Variants in PCDH11Y observed in about 807,000 individuals in gnomAD.
The protein encoded by PCDH11Y is protocadherin-11 Y-linked.
For synonymous variants in PCDH11Y, 9 were observed against 83.6 expected, an observed-to-expected ratio of 0.11 and a Z score of 4.87; for missense variants, 12 against 224.8, an observed-to-expected ratio of 0.05 and a Z score of 6.05.
At chrY:5,621,535 A>C in intron 4 of PCDH11Y, among the ~76,000 whole-genome samples, 3 of 31,934 alleles carry the variant, frequency 9.4e-5, no homozygotes, top group African/African-American at 3.7e-4. Context: ...CACGGAATTA[A>C]AAAAAAAACT....
intron 2 of PCDH11Y, among the ~76,000 whole-genome samples, chrY:5,140,516 T>C: frequency 3.2e-5 from 1 of 30,848 alleles, no homozygotes; most frequent in African/African-American, 1.3e-4. Flanking sequence ...AGTAGAATTT[T>C]TCCAACACAG....
chrY:5,222,642 T>C, intron 2 of PCDH11Y, among the ~76,000 whole-genome samples: 1 of 32,077 alleles, frequency 3.1e-5, no homozygotes, highest in Non-Finnish European at 7.6e-5. Context: ...GATTACAGGC[T>C]CCCGCCGCCA....
intron 1 of PCDH11Y, among the ~76,000 whole-genome samples, chrY:5,059,674 A>G: frequency 3.0e-5 from 1 of 33,576 alleles, no homozygotes; most frequent in Non-Finnish European, 7.4e-5. Context: ...TTCATTTGAC[A>G]TTCTTTGAAA....
chrY:5,094,332 C>T (rs2052746658), intron 1 of PCDH11Y, among the ~76,000 whole-genome samples: 1 of 31,499 alleles, frequency 3.2e-5, no homozygotes. Context: ...GGAGATTGAA[C>T]AGAAAACAGT....
chrY:5,691,308 T>C (rs1602960513), intron 4 of PCDH11Y, among the ~76,000 whole-genome samples: 2 of 34,059 alleles, frequency 5.9e-5, no homozygotes, highest in East Asian at 1.6e-3. Context: ...TTAATTGTAA[T>C]GTAGATTACA....
At chrY:5,196,804 C>T (rs2052919153) in intron 2 of PCDH11Y, among the ~76,000 whole-genome samples, 1 of 6,274 alleles carries the variant, frequency 1.6e-4, no homozygotes, top group African/African-American at 6.1e-4. Flanking sequence ...TCATGTCCTT[C>T]GCCCACTTTT....
Position 5,420,939 on chromosome Y carries a change from G to A in PCDH11Y, c.3130-80118G>A. On this transcript the variant is annotated intron_variant, in intron 2 of 4. Coordinates refer to the PCDH11Y transcript ENST00000400457. ...AAAACAACCCTTGACCAGGCGCTGT[G>A]GTTCACACCTGTAATCCCAGCACTT... Among the ~76,000 whole-genome samples, 3 of 29,575 alleles carry A rather than the reference G, an allele frequency of 1.0e-4. No homozygotes were observed. The South Asian group carries it at 2.4e-3, about 23-fold the overall frequency. 79.3% of individuals were successfully genotyped at this position (29,575 alleles called of 37,273 possible).
At chrY:5,310,718 A>T in intron 2 of PCDH11Y, among the ~76,000 whole-genome samples, 1 of 32,780 alleles carries the variant, frequency 3.1e-5, no homozygotes, top group East Asian at 8.0e-4. Flanking sequence ...AAACTTAGTA[A>T]GGAAGATTTT....
At chrY:5,573,276 C>T in intron 3 of PCDH11Y, 1 of 361,316 alleles carries the variant, frequency 2.8e-6, no homozygotes, top group Non-Finnish European at 3.9e-6. Context: ...GCTCTGGTTC[C>T]CGGATCTCCG....
chrY:5,562,597 T>C (rs1602943543), intron 3 of PCDH11Y, among the ~76,000 whole-genome samples: 1 of 27,370 alleles, frequency 3.7e-5, no homozygotes, highest in South Asian at 9.1e-4. Flanking sequence ...CCGTCTCTAC[T>C]AAAAATACAA....
chrY:5,672,029 C>A (rs2053549709), intron 4 of PCDH11Y, among the ~76,000 whole-genome samples: 1 of 32,904 alleles, frequency 3.0e-5, no homozygotes, highest in African/African-American at 1.2e-4. Context: ...TTTATCCTAC[C>A]TTCTGTTTAT....
chrY:5,363,505 T>C, intron 2 of PCDH11Y, among the ~76,000 whole-genome samples: 1 of 31,726 alleles, frequency 3.2e-5, no homozygotes, highest in African/African-American at 1.2e-4. Context: ...TCCATCAACA[T>C]TATGTTTCTT....
At chrY:5,020,405 CTGTT>C (rs2052567786) in intron 1 of PCDH11Y, among the ~76,000 whole-genome samples, 1 of 33,128 alleles carries the variant, frequency 3.0e-5, no homozygotes, top group African/African-American at 1.2e-4. Flanking sequence ...TACTAAGAGA[CTGTT>C]TGCTATGAAC....
chrY:5,179,813 A>C, intron 2 of PCDH11Y, among the ~76,000 whole-genome samples: 1 of 33,336 alleles, frequency 3.0e-5, no homozygotes, highest in African/African-American at 1.2e-4. Context: ...GTGTAAGGAA[A>C]AAGTTCTAGT....
intron 4 of PCDH11Y, among the ~76,000 whole-genome samples, chrY:5,603,884 AAAG>A (rs2053475886): frequency 3.9e-5 from 1 of 25,391 alleles, no homozygotes; most frequent in Non-Finnish European, 9.2e-5. Context: ...AGAAAGAAAG[AAAG>A]AAAGAAAGAA....
At chrY:5,424,940 G>A in intron 2 of PCDH11Y, among the ~76,000 whole-genome samples, 1 of 31,701 alleles carries the variant, frequency 3.2e-5, no homozygotes, top group Non-Finnish European at 7.6e-5. Flanking sequence ...ACCTCCCAAA[G>A]TGCTGGGATT....
chrY:5,398,450 G>A (rs2124676733), intron 2 of PCDH11Y, among the ~76,000 whole-genome samples: 1 of 32,348 alleles, frequency 3.1e-5, no homozygotes, highest in Admixed American at 2.9e-4. Context: ...TAGTCTCATC[G>A]TTCTTTACTA....
chrY:5,161,841 A>T, intron 2 of PCDH11Y, among the ~76,000 whole-genome samples: 1 of 30,783 alleles, frequency 3.2e-5, no homozygotes, highest in Non-Finnish European at 8.0e-5. Flanking sequence ...CAAATTATGG[A>T]CCTCAGGCAA....
intron 4 of PCDH11Y, among the ~76,000 whole-genome samples, chrY:5,586,507 T>G: frequency 3.2e-5 from 1 of 31,457 alleles, no homozygotes; most frequent in Non-Finnish European, 7.8e-5. Context: ...TGAAAAAATG[T>G]TTTTTTTGTT....
Sources: gnomAD v4.1 joint callset for allele counts (sites outside exome capture counted in the v4.1 genomes callset) on GRCh38, gnomAD v4.1.1 for gene constraint, MANE v1.5 for transcripts, NCBI Gene and HGNC (gene_info 2026-07-23, HGNC 2026-07-21) for gene names.